OSBP2: variants seen among roughly 807,000 people sequenced by gnomAD.
The protein encoded by OSBP2 is oxysterol binding protein 2, also known as oxysterol-binding protein 2.
In OSBP2, 66 loss-of-function variants were observed where a neutral mutation model predicts 96.0. The observed-to-expected ratio is 0.69, with a 90% CI of 0.56 to 0.84. The LOEUF is 0.84. Among genes scored for constraint, OSBP2 ranks in the 40% least tolerant of loss-of-function variants. The probability of loss-of-function intolerance (pLI) is 0.00; values close to 1 mark genes in which losing one functional copy is unlikely to be tolerated. For synonymous variants in OSBP2, 525 were observed against 520.9 expected, an observed-to-expected ratio of 1.01 and a Z score of -0.11; for missense variants, 1,038 against 1,222.7, an observed-to-expected ratio of 0.85 and a Z score of 2.25.
At chr22:30,751,395 T>C (rs545583431) in intron 2 of OSBP2, among the ~76,000 whole-genome samples, 1 of 151,850 alleles carries the variant, frequency 6.6e-6, no homozygotes, top group Admixed American at 6.6e-5. Flanking sequence ...CACTCTGTCA[T>C]CCAGGCTGGA....
At chr22:30,840,326 AAAAAAAAAAG>A (rs1031599090) in intron 2 of OSBP2, among the ~76,000 whole-genome samples, 4 of 149,898 alleles carry the variant, frequency 2.7e-5, no homozygotes, top group African/African-American at 7.3e-5. Context: ...AGAAAAAGGA[AAAAAAAAAAG>A]AAAGCTGAAA....
rs117135712 is a variant in OSBP2, at chr22:30,721,917, C to T, written c.645-19244C>T. Reference sequence around the variant, plus strand: ...AGTATTTTGGTAGGTTTTTGTGCTGCGGGACTTTTAAGCTTGTGAAAGGAA... The same window carrying T: ...AGTATTTTGGTAGGTTTTTGTGCTGTGGGACTTTTAAGCTTGTGAAAGGAA... On this transcript the variant is annotated intron_variant, in intron 1 of 13. Transcript: ENST00000332585. Among the ~76,000 whole-genome samples, 82 of 152,116 alleles carry T rather than the reference C, an allele frequency of 5.4e-4. No homozygotes were observed. In the East Asian group the frequency reaches 8.7e-3, roughly 16 times the overall value.
intron 2 of OSBP2, among the ~76,000 whole-genome samples, chr22:30,749,479 A>G (rs1446816471): frequency 6.6e-6 from 1 of 152,220 alleles, no homozygotes; most frequent in South Asian, 2.1e-4. Flanking sequence ...TGCTTCTGAC[A>G]CTGTCACCAC....
At chr22:30,757,180 T>G (rs139871447) in intron 2 of OSBP2, among the ~76,000 whole-genome samples, 1 of 152,234 alleles carries the variant, frequency 6.6e-6, no homozygotes, top group African/African-American at 2.4e-5. Context: ...TCTGTATATT[T>G]TCACTGCTGC....
chr22:30,784,263 T>A (rs563143655), intron 2 of OSBP2, among the ~76,000 whole-genome samples: 18 of 150,288 alleles, frequency 1.2e-4, no homozygotes, highest in African/African-American at 4.3e-4. Flanking sequence ...TTTATTAATT[T>A]ATTTATTATT....
intron 2 of OSBP2, among the ~76,000 whole-genome samples, chr22:30,763,302 T>C (rs1444341591): frequency 2.0e-5 from 3 of 152,218 alleles, no homozygotes; most frequent in African/African-American, 7.2e-5. Context: ...AGAGGGTATT[T>C]GTATTTTTTT....
intron 2 of OSBP2, among the ~76,000 whole-genome samples, chr22:30,834,496 A>G (rs182703265): frequency 6.6e-6 from 1 of 152,340 alleles, no homozygotes; most frequent in East Asian, 1.9e-4. Context: ...TCCTTGCTCT[A>G]ACACATGCTA....
chr22:30,871,694 C>G lies in OSBP2; in HGVS notation c.1107+1012C>G, dbSNP rs1436958491. 6.6e-6 allele frequency among the ~76,000 whole-genome samples: 1 copy of G among 152,096 alleles called. No individual in the cohort carries two copies. Among genetic ancestry groups the G allele is most frequent in the African/African-American group, 2.4e-5 (1 of 41,418 alleles). On this transcript the variant is annotated intron_variant, in intron 3 of 13. Transcript: ENST00000332585. The surrounding 1 kb of genome is among the most constrained non-coding windows in gnomAD (Gnocchi z 4.7). The stretch of plus-strand genomic sequence containing the variant: ...CAGCCCCCAAACTAGGAGGTTAGAC[C>G]AGGGCCGGACTGGGAGCTGGGACCA...
chr22:30,844,047 G>C (rs1335098224), intron 2 of OSBP2, among the ~76,000 whole-genome samples: 1 of 151,994 alleles, frequency 6.6e-6, no homozygotes. Flanking sequence ...GCTTACTTTT[G>C]TATTTTTTGT....
chr22:30,744,394 C>T (rs1380699343), intron 2 of OSBP2, among the ~76,000 whole-genome samples: 1 of 152,062 alleles, frequency 6.6e-6, no homozygotes, highest in African/African-American at 2.4e-5. Context: ...GTGGGTTATC[C>T]CGGGGCCTGT....
intron 2 of OSBP2, among the ~76,000 whole-genome samples, chr22:30,802,825 C>T (rs1163964294): frequency 6.6e-6 from 1 of 152,202 alleles, no homozygotes; most frequent in Non-Finnish European, 1.5e-5. Context: ...GGAATGAGGA[C>T]GCAGCACGGC....
intron 2 of OSBP2, among the ~76,000 whole-genome samples, chr22:30,827,383 C>T (rs1438992040): frequency 2.6e-5 from 4 of 152,166 alleles, no homozygotes; most frequent in South Asian, 2.1e-4. Flanking sequence ...GCCATGCAAA[C>T]CTAACATGAC....
At chr22:30,820,750 C>A (rs2038255708) in intron 2 of OSBP2, among the ~76,000 whole-genome samples, 1 of 152,228 alleles carries the variant, frequency 6.6e-6, no homozygotes, top group South Asian at 2.1e-4. Context: ...GGACCATTTC[C>A]ATCACTGTGG....
In OSBP2 at chr22:30,887,599, CTCCAAGAGCTTCATT is replaced by C. The variant is rs2039841160; in HGVS notation, c.1282_1296del (p.Ser428_Ile432del). On this transcript the variant is annotated inframe_deletion, in exon 4 of 14. Transcript: ENST00000332585. ...GTGCCCCTGGCCGGCCGGCCAACCC[CTCCAAGAGCTTCATT>C]GAGGGTGAGTGGGCAGCCAGGGCAG... 1 of 1,604,858 alleles carries C rather than the reference CTCCAAGAGCTTCATT, an allele frequency of 6.2e-7. No individual in the cohort carries two copies. The highest frequency in any genetic ancestry group is 1.3e-5 in the African/African-American group (1 of 74,764).
At chr22:30,772,790 C>T (rs1033294343) in intron 2 of OSBP2, among the ~76,000 whole-genome samples, 25 of 120,524 alleles carry the variant, frequency 2.1e-4, no homozygotes, top group Admixed American at 1.8e-4. Context: ...TCTTGTTAAA[C>T]GCATTTTTTT....
chr22:30,776,642 G>A (rs904076773), intron 2 of OSBP2, among the ~76,000 whole-genome samples: 1 of 151,616 alleles, frequency 6.6e-6, no homozygotes, highest in African/African-American at 2.4e-5. Context: ...TATTTCCTAA[G>A]GGTAAATTCT....
intron 2 of OSBP2, among the ~76,000 whole-genome samples, chr22:30,772,647 A>T (rs1174724737): frequency 6.6e-6 from 1 of 151,868 alleles, no homozygotes; most frequent in Non-Finnish European, 1.5e-5. Context: ...CTTTGAGGAC[A>T]CTCTGAGGTC....
At chr22:30,830,141 C>T (rs1248720085) in intron 2 of OSBP2, among the ~76,000 whole-genome samples, 3 of 152,158 alleles carry the variant, frequency 2.0e-5, no homozygotes, top group African/African-American at 7.2e-5. Flanking sequence ...TCTGGTTTTC[C>T]TATAAAGTGC....
intron 1 of OSBP2, among the ~76,000 whole-genome samples, chr22:30,730,227 T>C (rs1258542923): frequency 6.6e-6 from 1 of 152,200 alleles, no homozygotes; most frequent in Non-Finnish European, 1.5e-5. Flanking sequence ...CCTCCCGAAG[T>C]CCTGGGATTA....
Sources: allele counts gnomAD v4.1 joint callset (sites outside exome capture counted in the v4.1 genomes callset), GRCh38; gene constraint gnomAD v4.1.1; non-coding constraint Gnocchi (gnomAD v3.1); transcripts MANE v1.5; gene names NCBI Gene and HGNC (gene_info 2026-07-23, HGNC 2026-07-21).